The following QTMAN variants were observed in gnomAD, a reference collection of about 807,000 sequenced individuals.
QTMAN encodes queuosine-tRNA mannosyltransferase.
At chr2:144,042,763 CA>C in the QTMAN span, among the ~76,000 whole-genome samples, 11,658 of 64,524 alleles carry the variant, frequency 0.18, 555 homozygotes, top group East Asian at 0.34. Flanking sequence ...GACTCTGTCT[CA>C]AAAAAAAAAA....
At chr2:144,063,117 G>T in the QTMAN span, among the ~76,000 whole-genome samples, 1 of 152,200 alleles carries the variant, frequency 6.6e-6, no homozygotes, top group African/African-American at 2.4e-5. Flanking sequence ...TACGATGTAA[G>T]ACTGGAACAA....
At chr2:143,997,339 T>C in the QTMAN span, among the ~76,000 whole-genome samples, 6 of 152,160 alleles carry the variant, frequency 3.9e-5, no homozygotes, top group Non-Finnish European at 7.4e-5. Flanking sequence ...TGGAAAGTTA[T>C]TGTTTGTTAA....
chr2:143,976,033 T>G, the QTMAN span, among the ~76,000 whole-genome samples: 1 of 152,220 alleles, frequency 6.6e-6, no homozygotes, highest in African/African-American at 2.4e-5. Flanking sequence ...GATTCCATGT[T>G]AAGCACCTGA....
At chr2:144,262,474 G>A in the QTMAN span, among the ~76,000 whole-genome samples, 1 of 150,756 alleles carries the variant, frequency 6.6e-6, no homozygotes, top group East Asian at 2.0e-4. Context: ...AGAGGCTGAG[G>A]CAGGAGGATA....
chr2:144,332,322 T>C, the QTMAN span: 1 of 149,012 alleles, frequency 6.7e-6, no homozygotes, highest in African/African-American at 2.5e-5. Flanking sequence ...CTGCTGCCCC[T>C]CTGGGATCTC....
the QTMAN span, among the ~76,000 whole-genome samples, chr2:144,035,714 A>T: frequency 6.6e-6 from 1 of 152,210 alleles, no homozygotes; most frequent in Non-Finnish European, 1.5e-5. Context: ...GCAAAAGAAA[A>T]GTTTAAACAT....
At chr2:144,321,578 T>C in the QTMAN span, among the ~76,000 whole-genome samples, 2 of 152,138 alleles carry the variant, frequency 1.3e-5, no homozygotes, top group Non-Finnish European at 2.9e-5. Context: ...GATTAGCGTA[T>C]GGACTTCAAA....
chr2:144,270,240 A>T, the QTMAN span, among the ~76,000 whole-genome samples: 5 of 152,336 alleles, frequency 3.3e-5, no homozygotes, highest in African/African-American at 1.2e-4. Context: ...TGTGGAAGAC[A>T]GTGTGGCAAT....
chr2:144,243,180 A>C, the QTMAN span, among the ~76,000 whole-genome samples: 1 of 152,118 alleles, frequency 6.6e-6, no homozygotes, highest in Non-Finnish European at 1.5e-5. Flanking sequence ...ACGCTCAGAA[A>C]CTCACAGGAA....
chr2:144,109,521 G>A, the QTMAN span, among the ~76,000 whole-genome samples: 1 of 152,102 alleles, frequency 6.6e-6, no homozygotes, highest in African/African-American at 2.4e-5. Context: ...AAAAGCAATG[G>A]CAACAAAAGC....
chr2:144,099,240 T>C, the QTMAN span, among the ~76,000 whole-genome samples: 4 of 152,192 alleles, frequency 2.6e-5, no homozygotes, highest in Non-Finnish European at 5.9e-5. Flanking sequence ...TCATATAAAA[T>C]AAATGACTCA....
chr2:144,151,252 A>G, the QTMAN span, among the ~76,000 whole-genome samples: 20 of 152,240 alleles, frequency 1.3e-4, no homozygotes, highest in East Asian at 3.7e-3. Context: ...AATTATTTCT[A>G]AAAGGTATGA....
chr2:144,075,355 C>A, the QTMAN span, among the ~76,000 whole-genome samples: 1 of 152,212 alleles, frequency 6.6e-6, no homozygotes, highest in African/African-American at 2.4e-5. Flanking sequence ...ACAAGATATA[C>A]TTCTATATCC....
the QTMAN span, among the ~76,000 whole-genome samples, chr2:144,014,163 G>A: frequency 2.0e-5 from 3 of 152,222 alleles, no homozygotes; most frequent in East Asian, 3.9e-4. Flanking sequence ...CTTCTTTACC[G>A]GTAATGGCTA....
At chr2:143,996,214 A>G in the QTMAN span, among the ~76,000 whole-genome samples, 25 of 152,178 alleles carry the variant, frequency 1.6e-4, no homozygotes, top group Non-Finnish European at 1.5e-4. Flanking sequence ...AGAAACTGTC[A>G]TCTTCAACAA....
chr2:144,207,726 G>A, the QTMAN span, among the ~76,000 whole-genome samples: 1 of 152,312 alleles, frequency 6.6e-6, no homozygotes, highest in African/African-American at 2.4e-5. Flanking sequence ...TACAAATGGA[G>A]AATAAGGAGG....
chr2:144,302,198 C>A, the QTMAN span, among the ~76,000 whole-genome samples: 1 of 151,854 alleles, frequency 6.6e-6, no homozygotes, highest in South Asian at 2.1e-4. Flanking sequence ...TGTGTTTACC[C>A]CATGCCACCA....
the QTMAN span, among the ~76,000 whole-genome samples, chr2:144,250,517 G>A: frequency 6.6e-6 from 1 of 151,986 alleles, no homozygotes; most frequent in Non-Finnish European, 1.5e-5. Flanking sequence ...TATCATAACA[G>A]TTGATTATAT....
chr2:143,974,393 T>C, the QTMAN span, among the ~76,000 whole-genome samples: 4 of 152,218 alleles, frequency 2.6e-5, no homozygotes, highest in Admixed American at 6.5e-5. Flanking sequence ...AGCTAGAGTA[T>C]GTTCATAGCA....
Sources: gnomAD v4.1 joint callset for allele counts (sites outside exome capture counted in the v4.1 genomes callset) on GRCh38, gnomAD v4.1.1 for gene constraint, MANE v1.5 for transcripts, NCBI Gene and HGNC (gene_info 2026-07-23, HGNC 2026-07-21) for gene names.